Variants in PACS1 observed in about 807,000 individuals in gnomAD.
PACS1 encodes the protein phosphofurin acidic cluster sorting protein 1.
A neutral mutation model predicts 115.0 loss-of-function variants in PACS1; 24 were observed. That is an observed-to-expected ratio of 0.21 (90% confidence interval 0.15 to 0.29). The LOEUF (loss-of-function observed/expected upper bound fraction) is 0.29, where lower values mean the gene tolerates loss of function less well. Among genes scored for constraint, PACS1 ranks in the 10% least tolerant of loss-of-function variants. PACS1 has a pLI of 1.00. For synonymous variants in PACS1, 453 were observed against 504.5 expected, an observed-to-expected ratio of 0.90 and a Z score of 1.37; for missense variants, 838 against 1,251.2, an observed-to-expected ratio of 0.67 and a Z score of 4.98.
intron 7 of PACS1, chr11:66,217,092 G>A (rs1855230939): frequency 7.8e-6 from 3 of 385,596 alleles, no homozygotes; most frequent in Non-Finnish European, 1.4e-5. Flanking sequence ...TCCAGTGGCT[G>A]CTTCATGTCA....
Position 66,233,030 on chromosome 11 carries a change from C to T in PACS1, c.1802C>T (p.Ala601Val), listed in dbSNP as rs139516727. 6.2e-7 allele frequency: 1 copy of T among 1,611,430 alleles called. No homozygotes were observed. The highest frequency in any genetic ancestry group is 8.5e-7 in the Non-Finnish European group (1 of 1,179,926). ...VCTCSTVEVQ[A>V]VLSALLTRIQ... The stretch of plus-strand genomic sequence containing the variant: ...ACCTGCTCCACCGTGGAGGTCCAGG[C>T]CGTGCTGTCCGCCCTGCTCACCCGG... The change falls in exon 15 of 24, where the codon GCC becomes GTC. Residue 601 changes from alanine (A) to valine (V), a missense_variant. This residue lies in a region of PACS1 where 383 missense variants were observed against 537.0 expected (regional missense o/e 0.71). Transcript: ENST00000320580. The surrounding 1 kb of genome is among the most constrained non-coding windows in gnomAD (Gnocchi z 4.5).
chr11:66,108,369 A>G (rs904469262), intron 1 of PACS1, among the ~76,000 whole-genome samples: 15 of 152,152 alleles, frequency 9.9e-5, no homozygotes, highest in African/African-American at 2.2e-4. Flanking sequence ...TCATTTAACC[A>G]TATTACATCC....
chr11:66,086,477 C>G (rs1857572577), intron 1 of PACS1, among the ~76,000 whole-genome samples: 1 of 152,128 alleles, frequency 6.6e-6, no homozygotes. Context: ...TAGTTATAAA[C>G]TGCTTTTTAC....
chr11:66,123,215 G>A (rs1251157197), intron 1 of PACS1, among the ~76,000 whole-genome samples: 1 of 145,538 alleles, frequency 6.9e-6, no homozygotes, highest in Non-Finnish European at 1.5e-5. Flanking sequence ...TTAATGAGAC[G>A]GAGTCTTGCT....
intron 1 of PACS1, among the ~76,000 whole-genome samples, chr11:66,124,151 T>C (rs1397021319): frequency 6.6e-6 from 1 of 152,242 alleles, no homozygotes; most frequent in African/African-American, 2.4e-5. Context: ...GTGTGCAAAA[T>C]GCTGCCATAG....
chr11:66,201,951 C>T (rs536045505), intron 2 of PACS1, among the ~76,000 whole-genome samples: 11 of 151,990 alleles, frequency 7.2e-5, no homozygotes, highest in East Asian at 3.9e-4. Context: ...CCATCACACC[C>T]GGCCAAAGAG....
At chr11:66,207,722 C>T (rs988276008) in intron 2 of PACS1, among the ~76,000 whole-genome samples, 3 of 152,044 alleles carry the variant, frequency 2.0e-5, no homozygotes, top group Non-Finnish European at 2.9e-5. Context: ...GACAGAGTCT[C>T]GTTCTGTTGC....
At chr11:66,087,151 C>T (rs555067547) in intron 1 of PACS1, among the ~76,000 whole-genome samples, 40 of 152,186 alleles carry the variant, frequency 2.6e-4, no homozygotes, top group Admixed American at 4.6e-4. Flanking sequence ...CCAACGATAG[C>T]TAGTTTCCTA....
At chr11:66,205,490 G>T (rs1854914289) in intron 2 of PACS1, among the ~76,000 whole-genome samples, 1 of 151,716 alleles carries the variant, frequency 6.6e-6, no homozygotes, top group Admixed American at 6.6e-5. Context: ...ATTACATGTT[G>T]TATGCCTGTA....
At chr11:66,128,782 G>T (rs1858635727) in intron 1 of PACS1, among the ~76,000 whole-genome samples, 2 of 151,818 alleles carry the variant, frequency 1.3e-5, no homozygotes, top group South Asian at 4.2e-4. Flanking sequence ...TACTTAAGAG[G>T]CTGAGGCAGG....
At chr11:66,231,263 TTG>T (rs1288170315) in intron 13 of PACS1, among the ~76,000 whole-genome samples, 4 of 152,246 alleles carry the variant, frequency 2.6e-5, no homozygotes, top group South Asian at 2.1e-4. Flanking sequence ...AGTCTGGAGA[TTG>T]TGCCGTGAAT....
At chr11:66,221,494 A>C in intron 10 of PACS1, 2 of 485,460 alleles carry the variant, frequency 4.1e-6, no homozygotes, top group Non-Finnish European at 7.5e-6. Flanking sequence ...AAAAATACAA[A>C]AATTACCTGG....
chr11:66,227,364 C>G (rs933292031), intron 10 of PACS1, 140 bp from the exon 11 acceptor site: 1 of 591,080 alleles, frequency 1.7e-6, no homozygotes, highest in African/African-American at 1.9e-5. Flanking sequence ...CCTCCCCGGC[C>G]CACATAAGAA....
intron 1 of PACS1, among the ~76,000 whole-genome samples, chr11:66,118,390 T>C (rs1274266822): frequency 1.3e-5 from 2 of 152,092 alleles, no homozygotes; most frequent in Non-Finnish European, 2.9e-5. Context: ...GGCAGTAGGA[T>C]TGCTTGAGCC....
At chr11:66,175,347 G>T (rs1859832112) in intron 1 of PACS1, among the ~76,000 whole-genome samples, 1 of 151,994 alleles carries the variant, frequency 6.6e-6, no homozygotes, top group South Asian at 2.1e-4. Context: ...TTTGATTGTG[G>T]ATTCATTTTT....
intron 2 of PACS1, among the ~76,000 whole-genome samples, chr11:66,199,455 A>C (rs1854725418): frequency 6.6e-6 from 1 of 152,096 alleles, no homozygotes; most frequent in Non-Finnish European, 1.5e-5. Context: ...ATAAGATGTT[A>C]TTTGCAAGCC....
In PACS1 at chr11:66,232,293, C is replaced by T. The variant is rs201749500; in HGVS notation, c.1731+17C>T. On this transcript the variant is annotated intron_variant, in intron 14 of 23. Coordinates refer to ENST00000320580, the MANE Select transcript of PACS1 (RefSeq NM_018026.4). Reference sequence around the variant, plus strand: ...CAGGGCCAGGTAAGTGCTGAAACTGCGAGGCCATGTGGGGTCCTGGAGGGC... The same window carrying T: ...CAGGGCCAGGTAAGTGCTGAAACTGTGAGGCCATGTGGGGTCCTGGAGGGC... 2.5e-5 allele frequency: 37 copies of T among 1,488,950 alleles called. No homozygotes were observed. The highest frequency in any genetic ancestry group is 1.7e-4 in the Middle Eastern group (1 of 5,784). The allele number at this position is 1,488,950 out of a possible 1,614,324, so 92.2% of individuals were successfully genotyped here.
intron 1 of PACS1, among the ~76,000 whole-genome samples, chr11:66,081,583 A>G (rs1302989393): frequency 2.0e-5 from 3 of 152,244 alleles, no homozygotes; most frequent in African/African-American, 7.2e-5. Flanking sequence ...TACAAAGTCA[A>G]AACAAAATAT....
chr11:66,238,758 C>G lies in PACS1; in HGVS notation c.2251-46C>G, dbSNP rs375195005. On this transcript the variant is annotated intron_variant, in intron 19 of 23. Coordinates refer to ENST00000320580, the MANE Select transcript of PACS1 (RefSeq NM_018026.4). ...TGTTTCTGGTTGGATCAGAACATGCCTGCTTTAACAGGAGGATCTAATGAG... is the reference window on the plus strand; with the variant it reads ...TGTTTCTGGTTGGATCAGAACATGCGTGCTTTAACAGGAGGATCTAATGAG... 3.9e-6 allele frequency: 6 copies of G among 1,538,406 alleles called. No homozygotes were observed. In the African/African-American group the frequency reaches 5.5e-5, roughly 14 times the overall value.
Sources: allele counts gnomAD v4.1 joint callset (sites outside exome capture counted in the v4.1 genomes callset), GRCh38; gene constraint gnomAD v4.1.1; regional missense constraint gnomAD v4.1.1; non-coding constraint Gnocchi (gnomAD v3.1); transcripts MANE v1.5; gene names NCBI Gene and HGNC (gene_info 2026-07-23, HGNC 2026-07-21).